ACTR3C: variants seen among roughly 807,000 people sequenced by gnomAD.
The protein encoded by ACTR3C is actin-related protein 3C.
A neutral mutation model predicts 26.3 loss-of-function variants in ACTR3C; 18 were observed. The observed-to-expected ratio is 0.68, with a 90% CI of 0.47 to 1.01. The LOEUF (loss-of-function observed/expected upper bound fraction) is 1.01. Among genes scored for constraint, ACTR3C ranks in the 50% least tolerant of loss-of-function variants. The pLI, the probability that ACTR3C is intolerant of heterozygous loss-of-function variation, is 0.00. For missense variants in ACTR3C, 184 were observed against 250.7 expected (o/e 0.73, Z 1.80); for synonymous variants, 55 against 94.5 (o/e 0.58, Z 2.42).
At chr7:150,112,256 C>T in the ACTR3C span, among the ~76,000 whole-genome samples, 2 of 152,096 alleles carry the variant, frequency 1.3e-5, no homozygotes, top group African/African-American at 4.8e-5. Flanking sequence ...CCTTCCTGGC[C>T]CCTCTCCCTC....
chr7:150,216,120 C>T, the ACTR3C span, among the ~76,000 whole-genome samples: 5 of 151,188 alleles, frequency 3.3e-5, no homozygotes, highest in Admixed American at 3.3e-4. Context: ...CTCTTGAAAG[C>T]AGAGAAAAGA....
the ACTR3C span, among the ~76,000 whole-genome samples, chr7:150,158,991 A>T: frequency 2.0e-5 from 3 of 150,272 alleles, 1 homozygote. Context: ...GCACACACGC[A>T]CACTCAGGCA....
At chr7:150,315,333 G>A (rs904593815) in intron 1 of ACTR3C, among the ~76,000 whole-genome samples, 1 of 152,092 alleles carries the variant, frequency 6.6e-6, no homozygotes, top group African/African-American at 2.4e-5. Flanking sequence ...GCAAGCTACA[G>A]CTGGGGAGGA....
the ACTR3C span, among the ~76,000 whole-genome samples, chr7:149,951,636 C>T: frequency 0.019 from 2,943 of 152,112 alleles, 251 homozygotes; most frequent in East Asian, 0.28. Flanking sequence ...TCTCTCTAGC[C>T]GCCTCCTCTG....
chr7:150,127,459 C>T, the ACTR3C span, among the ~76,000 whole-genome samples: 27 of 152,160 alleles, frequency 1.8e-4, no homozygotes, highest in Non-Finnish European at 2.6e-4. Context: ...GGTCGGACAA[C>T]GGCTTAACCT....
At chr7:150,070,071 G>A in the ACTR3C span, among the ~76,000 whole-genome samples, 21 of 152,342 alleles carry the variant, frequency 1.4e-4, no homozygotes, top group African/African-American at 4.6e-4. Flanking sequence ...GCAAAGATGC[G>A]CTCACCTCAG....
chr7:149,939,430 T>A, the ACTR3C span, among the ~76,000 whole-genome samples: 1 of 152,208 alleles, frequency 6.6e-6, no homozygotes, highest in Non-Finnish European at 1.5e-5. Context: ...TTTGTCAATA[T>A]GAGCCAATAA....
At chr7:149,976,109 G>A in the ACTR3C span, among the ~76,000 whole-genome samples, 1 of 152,164 alleles carries the variant, frequency 6.6e-6, no homozygotes, top group African/African-American at 2.4e-5. Context: ...TTCCTCATGT[G>A]TACTGTTTCT....
the ACTR3C span, among the ~76,000 whole-genome samples, chr7:150,123,094 G>T: frequency 6.6e-6 from 1 of 151,366 alleles, no homozygotes; most frequent in African/African-American, 2.4e-5. Flanking sequence ...GAGGGTGGGG[G>T]ACAAGGGGAG....
chr7:149,900,324 A>G, the ACTR3C span, among the ~76,000 whole-genome samples: 4 of 151,884 alleles, frequency 2.6e-5, no homozygotes, highest in Non-Finnish European at 4.4e-5. Flanking sequence ...CTACAGGTGC[A>G]CGCCACCACG....
At chr7:150,315,073 A>T (rs904644738) in intron 1 of ACTR3C, among the ~76,000 whole-genome samples, 2 of 147,320 alleles carry the variant, frequency 1.4e-5, no homozygotes, top group Admixed American at 6.8e-5. Flanking sequence ...ATTAAATAAG[A>T]AAATATTTAT....
intron 4 of ACTR3C, among the ~76,000 whole-genome samples, chr7:150,286,929 T>G (rs1835823570): frequency 6.6e-6 from 1 of 152,142 alleles, no homozygotes. Context: ...AGTGGACCCG[T>G]GCTGCGAGCT....
chr7:149,904,422 C>A, the ACTR3C span, among the ~76,000 whole-genome samples: 1 of 150,564 alleles, frequency 6.6e-6, no homozygotes. Context: ...CCCAACTACT[C>A]GGGAGGCTGA....
At chr7:150,265,930 T>C (rs1320801335) in intron 6 of ACTR3C, among the ~76,000 whole-genome samples, 1 of 152,156 alleles carries the variant, frequency 6.6e-6, no homozygotes, top group African/African-American at 2.4e-5. Context: ...TTACTAAAAC[T>C]GAGAACGTTC....
chr7:149,945,671 GAAGCAATC>G, the ACTR3C span, among the ~76,000 whole-genome samples: 1 of 152,156 alleles, frequency 6.6e-6, no homozygotes, highest in Admixed American at 6.5e-5. Flanking sequence ...GGGGCGGGCA[GAAGCAATC>G]AGGTGCCCCA....
the ACTR3C span, among the ~76,000 whole-genome samples, chr7:149,924,187 C>A: frequency 6.7e-6 from 1 of 150,148 alleles, no homozygotes; most frequent in Non-Finnish European, 1.5e-5. Context: ...ACCAGCCTGG[C>A]CAACATGGTG....
the ACTR3C span, among the ~76,000 whole-genome samples, chr7:149,883,148 A>C: frequency 1.3e-5 from 2 of 152,218 alleles, no homozygotes; most frequent in Non-Finnish European, 2.9e-5. Context: ...ACAAACACTA[A>C]ATGATTTTGA....
chr7:150,198,366 T>G, the ACTR3C span, among the ~76,000 whole-genome samples: 4 of 148,056 alleles, frequency 2.7e-5, no homozygotes, highest in South Asian at 4.3e-4. Context: ...GAGGAGCGTC[T>G]GCGCCCGGCC....
At chr7:150,162,793 A>G in the ACTR3C span, among the ~76,000 whole-genome samples, 1 of 152,248 alleles carries the variant, frequency 6.6e-6, no homozygotes, top group African/African-American at 2.4e-5. Context: ...ATTAAAATAT[A>G]GAAAATTATC....
Sources: gnomAD v4.1 joint callset for allele counts (sites outside exome capture counted in the v4.1 genomes callset) on GRCh38, gnomAD v4.1.1 for gene constraint, MANE v1.5 for transcripts, NCBI Gene and HGNC (gene_info 2026-07-23, HGNC 2026-07-21) for gene names.